The following LRP1B variants were observed in gnomAD, a reference collection of about 807,000 sequenced individuals.
LRP1B encodes the protein low-density lipoprotein receptor-related protein 1B.
Under a neutral mutation model 556.6 loss-of-function variants are expected in LRP1B, and 217 were observed. That is an observed-to-expected ratio of 0.39 (90% CI 0.35 to 0.44). The LOEUF is 0.44. LRP1B is among the 20% of genes least tolerant of loss of function. The pLI is 1.00. For synonymous variants in LRP1B, 2,047 were observed against 1,865.8 expected (o/e 1.10, Z -2.50); for missense variants, 5,053 against 5,620.8 (o/e 0.90, Z 3.23).
intron 14 of LRP1B, among the ~76,000 whole-genome samples, chr2:141,007,918 G>A (rs1258062079): frequency 6.6e-6 from 1 of 151,414 alleles, no homozygotes; most frequent in African/African-American, 2.4e-5. Context: ...AGAGGAATTG[G>A]TTATTTGTTC....
chr2:141,228,190 C>A (rs1227240924), intron 6 of LRP1B, among the ~76,000 whole-genome samples: 1 of 152,128 alleles, frequency 6.6e-6, no homozygotes, highest in East Asian at 1.9e-4. Context: ...GTGCTGGGAG[C>A]CACCGCACCC....
At chr2:140,440,084 G>A (rs1686360381) in intron 66 of LRP1B, among the ~76,000 whole-genome samples, 1 of 151,970 alleles carries the variant, frequency 6.6e-6, no homozygotes, top group Non-Finnish European at 1.5e-5. Context: ...ACAATGTTCG[G>A]ACTTTAGAAA....
intron 2 of LRP1B, among the ~76,000 whole-genome samples, chr2:141,585,886 T>TA (rs1559157987): frequency 5.6e-5 from 2 of 35,492 alleles, no homozygotes; most frequent in African/African-American, 1.8e-4. Context: ...ACAGGTGCAC[T>TA]TTTTTTTTTT....
rs368660380 is a variant in LRP1B at position 140,764,295 on chromosome 2, G to A, written c.5758+4918C>T. 7.8e-4 allele frequency among the ~76,000 whole-genome samples: 118 copies of A among 152,182 alleles called. No individual in the cohort carries two copies. In the South Asian group the frequency reaches 0.018, roughly 24 times the overall value. On this transcript the variant is annotated intron_variant, in intron 35 of 90. Coordinates refer to ENST00000389484, the MANE Select transcript of LRP1B (RefSeq NM_018557.3). Reference sequence around the variant, plus strand: ...TCTACTAGCACAAATTTGCAGAAGCGCAATGTAGTGTCATCAAGTAATGCC... The same window carrying A: ...TCTACTAGCACAAATTTGCAGAAGCACAATGTAGTGTCATCAAGTAATGCC...
chr2:141,895,190 G>T (rs927171311), intron 1 of LRP1B, among the ~76,000 whole-genome samples: 3 of 152,062 alleles, frequency 2.0e-5, no homozygotes, highest in Non-Finnish European at 1.5e-5. Context: ...AGAAAATATA[G>T]GTCTTTGGAT....
intron 25 of LRP1B, among the ~76,000 whole-genome samples, chr2:140,878,493 C>G (rs1693376591): frequency 6.6e-6 from 1 of 151,876 alleles, no homozygotes. Context: ...TAGTAAAATG[C>G]CTTTCTTAAA....
chr2:140,806,191 C>A (rs924359959), intron 32 of LRP1B, among the ~76,000 whole-genome samples: 1 of 152,092 alleles, frequency 6.6e-6, no homozygotes, highest in Non-Finnish European at 1.5e-5. Context: ...GACTTCCAGC[C>A]TCCAGAACTG....
At chr2:140,893,552 G>A (rs535806474) in intron 23 of LRP1B, among the ~76,000 whole-genome samples, 1 of 152,130 alleles carries the variant, frequency 6.6e-6, no homozygotes, top group East Asian at 1.9e-4. Flanking sequence ...AACCTTTCTG[G>A]GTCTTCATTT....
At chr2:141,478,746 C>T (rs751381523) in intron 3 of LRP1B, among the ~76,000 whole-genome samples, 2 of 152,012 alleles carry the variant, frequency 1.3e-5, no homozygotes, top group African/African-American at 4.8e-5. Context: ...GGTTTCATCA[C>T]GTTGGCCATG....
intron 2 of LRP1B, among the ~76,000 whole-genome samples, chr2:141,794,478 A>G (rs530912344): frequency 1.3e-5 from 2 of 152,082 alleles, no homozygotes; most frequent in South Asian, 4.1e-4. Context: ...GGCAAAATCT[A>G]CCTGAAGCAA....
chr2:142,031,327 C>CTTTT (rs1252003225), intron 1 of LRP1B, among the ~76,000 whole-genome samples: 1 of 44,388 alleles, frequency 2.3e-5, no homozygotes, highest in African/African-American at 5.7e-5. Context: ...GTTGATTATA[C>CTTTT]TTATTTTTTT....
intron 23 of LRP1B, among the ~76,000 whole-genome samples, chr2:140,894,793 C>A (rs138332048): frequency 6.6e-6 from 1 of 151,866 alleles, no homozygotes; most frequent in Admixed American, 6.6e-5. Flanking sequence ...TACAAAAATA[C>A]AAAAATTAGC....
intron 7 of LRP1B, among the ~76,000 whole-genome samples, chr2:141,147,469 C>A (rs571116522): frequency 6.6e-6 from 1 of 152,186 alleles, no homozygotes; most frequent in South Asian, 2.1e-4. Flanking sequence ...CACAGTTTTA[C>A]GTATTAAAAT....
chr2:141,866,205 A>G (rs1484170535), intron 1 of LRP1B, among the ~76,000 whole-genome samples: 1 of 152,178 alleles, frequency 6.6e-6, no homozygotes, highest in Non-Finnish European at 1.5e-5. Context: ...CTCAGCAATT[A>G]TGTAGAATAC....
At chr2:140,931,683 T>C (rs559690886) in intron 20 of LRP1B, among the ~76,000 whole-genome samples, 19 of 152,246 alleles carry the variant, frequency 1.2e-4, no homozygotes, top group African/African-American at 4.3e-4. Flanking sequence ...CAAGTTAAAG[T>C]ACTATCGAAG....
chr2:141,476,132 G>A (rs373914738), intron 3 of LRP1B, among the ~76,000 whole-genome samples: 4 of 152,172 alleles, frequency 2.6e-5, no homozygotes, highest in East Asian at 1.9e-4. Flanking sequence ...GTGTGTCTGC[G>A]TGCTCCCCTT....
intron 3 of LRP1B, among the ~76,000 whole-genome samples, chr2:141,310,815 G>C (rs538770716): frequency 1.3e-5 from 2 of 152,270 alleles, no homozygotes; most frequent in South Asian, 4.1e-4. Context: ...AAAAGACACA[G>C]ACAAGTTTGA....
intron 2 of LRP1B, among the ~76,000 whole-genome samples, chr2:141,783,202 T>C (rs1002631732): frequency 6.6e-6 from 1 of 152,086 alleles, no homozygotes; most frequent in Non-Finnish European, 1.5e-5. Context: ...CAGCCACCCA[T>C]TAGCACTCTC....
chr2:141,469,240 T>C (rs1361485283), intron 3 of LRP1B, among the ~76,000 whole-genome samples: 4 of 152,146 alleles, frequency 2.6e-5, no homozygotes, highest in African/African-American at 9.7e-5. Context: ...TCCACAAGAG[T>C]GAAAAAGAAA....
Sources: allele counts gnomAD v4.1 joint callset (sites outside exome capture counted in the v4.1 genomes callset), GRCh38; gene constraint gnomAD v4.1.1; transcripts MANE v1.5; gene names NCBI Gene and HGNC (gene_info 2026-07-23, HGNC 2026-07-21).